Variants in BBS9 observed in about 807,000 individuals in gnomAD.
BBS9 encodes the protein protein PTHB1.
In BBS9, 89 loss-of-function variants were observed where a neutral mutation model predicts 117.7. That is an observed-to-expected ratio of 0.76 (90% confidence interval 0.64 to 0.90). BBS9 has a LOEUF of 0.90. BBS9 is among the 40% of genes least tolerant of loss of function. BBS9 has a pLI of 0.00. For missense variants in BBS9, 982 were observed against 1,042.2 expected (o/e 0.94, Z 0.80); for synonymous variants, 379 against 370.9 (o/e 1.02, Z -0.25).
intron 20 of BBS9, among the ~76,000 whole-genome samples, chr7:33,513,572 A>G (rs1369786990): frequency 3.3e-5 from 5 of 152,074 alleles, no homozygotes; most frequent in African/African-American, 1.2e-4. Flanking sequence ...GAAGTATACT[A>G]CCTCTGTTTC....
intron 20 of BBS9, among the ~76,000 whole-genome samples, chr7:33,517,901 T>G (rs1414622752): frequency 2.0e-5 from 3 of 152,208 alleles, no homozygotes; most frequent in African/African-American, 7.2e-5. Flanking sequence ...CAAGGATAAA[T>G]GTAGATTTAT....
At chr7:33,337,127 T>G (rs1402568740) in intron 10 of BBS9, among the ~76,000 whole-genome samples, 1 of 152,176 alleles carries the variant, frequency 6.6e-6, no homozygotes, top group East Asian at 1.9e-4. Context: ...GCTTGCGGTA[T>G]GCTGATTTCT....
At chr7:33,209,181 T>G (rs1787545110) in intron 5 of BBS9, among the ~76,000 whole-genome samples, 1 of 152,186 alleles carries the variant, frequency 6.6e-6, no homozygotes, top group Non-Finnish European at 1.5e-5. Context: ...CACAAATAAG[T>G]GAGAACATGT....
At chr7:33,627,633 G>C (rs1335570432) in intron 21 of BBS9, among the ~76,000 whole-genome samples, 1 of 152,210 alleles carries the variant, frequency 6.6e-6, no homozygotes, top group African/African-American at 2.4e-5. Flanking sequence ...GATGGCCAAA[G>C]TCTTAGGAGC....
At chr7:33,545,066 C>CT (rs1226137540) in intron 21 of BBS9, among the ~76,000 whole-genome samples, 2 of 152,116 alleles carry the variant, frequency 1.3e-5, no homozygotes, top group African/African-American at 4.8e-5. Context: ...AGCCCCGACT[C>CT]TGTTTCTAGG....
At chr7:33,572,470 G>A (rs762963104) in intron 21 of BBS9, among the ~76,000 whole-genome samples, 2 of 152,032 alleles carry the variant, frequency 1.3e-5, no homozygotes, top group Non-Finnish European at 2.9e-5. Context: ...CAGTGGGATT[G>A]CCAGATCATA....
intron 5 of BBS9, among the ~76,000 whole-genome samples, chr7:33,211,474 CTTTT>C (rs899383041): frequency 7.0e-6 from 1 of 143,386 alleles, no homozygotes; most frequent in Admixed American, 6.8e-5. Context: ...CATTCCCCTG[CTTTT>C]TTTTGTTTAT....
At chr7:33,280,911 GTT>G (rs150736523) in intron 9 of BBS9, among the ~76,000 whole-genome samples, 3 of 79,392 alleles carry the variant, frequency 3.8e-5, no homozygotes, top group African/African-American at 1.8e-4. Flanking sequence ...TGTCGTTTTT[GTT>G]TTTTTTTTTT....
chr7:33,323,122 T>C (rs908691257), intron 9 of BBS9, among the ~76,000 whole-genome samples: 1 of 152,180 alleles, frequency 6.6e-6, no homozygotes, highest in East Asian at 1.9e-4. Context: ...TCAGTTTTTT[T>C]TGAATGTTTT....
intron 5 of BBS9, among the ~76,000 whole-genome samples, chr7:33,208,733 T>C (rs1787432208): frequency 6.6e-6 from 1 of 152,204 alleles, no homozygotes; most frequent in Admixed American, 6.5e-5. Context: ...TGTGGTTTTA[T>C]GTTTTTTCTA....
At chr7:33,507,997 G>C in intron 20 of BBS9, among the ~76,000 whole-genome samples, 1 of 152,100 alleles carries the variant, frequency 6.6e-6, no homozygotes, top group Non-Finnish European at 1.5e-5. Context: ...TTTACCATTG[G>C]TCTTTGTAAT....
chr7:33,416,345 C>T (rs1281280631), intron 19 of BBS9, among the ~76,000 whole-genome samples: 1 of 151,226 alleles, frequency 6.6e-6, no homozygotes, highest in Non-Finnish European at 1.5e-5. Context: ...GCCTGAGGTT[C>T]TGCTATCTTG....
At chr7:33,286,861 A>T (rs1232713601) in intron 9 of BBS9, among the ~76,000 whole-genome samples, 2 of 152,018 alleles carry the variant, frequency 1.3e-5, no homozygotes, top group Non-Finnish European at 2.9e-5. Context: ...AAAAAGAGAA[A>T]TATCTCTGTA....
At chr7:33,408,409 C>A (rs996348586) in intron 19 of BBS9, among the ~76,000 whole-genome samples, 1 of 152,146 alleles carries the variant, frequency 6.6e-6, no homozygotes, top group Non-Finnish European at 1.5e-5. Context: ...CAATGCCTCA[C>A]CCTGCTTTCG....
intron 20 of BBS9, among the ~76,000 whole-genome samples, chr7:33,532,186 GC>G (rs969055733): frequency 1.3e-5 from 2 of 152,324 alleles, no homozygotes; most frequent in Non-Finnish European, 2.9e-5. Context: ...ATGGGAGTTG[GC>G]CAGCTAAAGA....
intron 21 of BBS9, among the ~76,000 whole-genome samples, chr7:33,634,054 A>G (rs781349608): frequency 6.6e-6 from 1 of 152,214 alleles, no homozygotes; most frequent in Non-Finnish European, 1.5e-5. Context: ...GGTCCCCAGC[A>G]ATCTGGCCAC....
At chr7:33,505,815 C>T in intron 20 of BBS9, 170 bp downstream of exon 20, 1 of 715,810 alleles carries the variant, frequency 1.4e-6, no homozygotes, top group Non-Finnish European at 2.3e-6. Context: ...CAAACAAAGG[C>T]CTTTTTCTGT....
chr7:33,472,294 G>A (rs371126593), intron 19 of BBS9, among the ~76,000 whole-genome samples: 7 of 152,322 alleles, frequency 4.6e-5, no homozygotes, highest in African/African-American at 4.8e-5. Context: ...GAGAATCTTG[G>A]ATAAAGGCCT....
At chr7:33,244,033 T>C (rs1386821388) in intron 5 of BBS9, among the ~76,000 whole-genome samples, 1 of 152,078 alleles carries the variant, frequency 6.6e-6, no homozygotes, top group African/African-American at 2.4e-5. Flanking sequence ...AAGACCAACC[T>C]GGCCAACCAA....
Sources: gnomAD v4.1 joint callset for allele counts (sites outside exome capture counted in the v4.1 genomes callset) on GRCh38, gnomAD v4.1.1 for gene constraint, MANE v1.5 for transcripts, NCBI Gene and HGNC (gene_info 2026-07-23, HGNC 2026-07-21) for gene names.